Variants in HDAC1 observed in about 807,000 individuals in gnomAD.
The protein encoded by HDAC1 is histone deacetylase 1, also known as protein deacetylase HDAC1.
A neutral mutation model predicts 65.5 loss-of-function variants in HDAC1; 18 were observed. The observed-to-expected ratio is 0.27, with a 90% CI of 0.19 to 0.41. The LOEUF (loss-of-function observed/expected upper bound fraction) is 0.41, where lower values mean the gene tolerates loss of function less well. Among genes scored for constraint, HDAC1 ranks in the 10% least tolerant of loss-of-function variants. The pLI is 1.00. For missense variants in HDAC1, 373 were observed against 625.2 expected, an observed-to-expected ratio of 0.60 and a Z score of 4.30; for synonymous variants, 211 against 227.9, an observed-to-expected ratio of 0.93 and a Z score of 0.67.
intron 2 of HDAC1, among the ~76,000 whole-genome samples, chr1:32,304,097 GAAAATA>G (rs2148058979): frequency 6.6e-6 from 1 of 152,278 alleles, no homozygotes; most frequent in South Asian, 2.1e-4. Context: ...GTCCAAATGA[GAAAATA>G]AAGAGGGGCT....
rs945713291 is a variant in HDAC1 at position 32,298,864 on chromosome 1, G to A, written c.50-3757G>A. On this transcript the variant is annotated intron_variant, in intron 1 of 13. Transcript: ENST00000373548. The stretch of plus-strand genomic sequence containing the variant: ...AATACAAAACTTAGCCAGGCGTGGT[G>A]GCACATGTCTGTAATCCCAGCTACT... 5.3e-5 allele frequency among the ~76,000 whole-genome samples: 8 copies of A among 152,076 alleles called. No individual in the cohort carries two copies. In the East Asian group the frequency reaches 1.2e-3, roughly 22 times the overall value.
At chr1:32,315,651 C>T (rs940946468) in intron 2 of HDAC1, among the ~76,000 whole-genome samples, 4 of 150,714 alleles carry the variant, frequency 2.7e-5, no homozygotes, top group African/African-American at 9.7e-5. Context: ...CTGCACTCGG[C>T]CAGTTTTATA....
intron 1 of HDAC1, among the ~76,000 whole-genome samples, chr1:32,295,693 A>G (rs1640759644): frequency 6.6e-6 from 1 of 152,160 alleles, no homozygotes; most frequent in Non-Finnish European, 1.5e-5. Context: ...GGCATTGGGG[A>G]ATATGTTTCC....
At chr1:32,300,741 G>A (rs1285949121) in intron 1 of HDAC1, among the ~76,000 whole-genome samples, 1 of 152,206 alleles carries the variant, frequency 6.6e-6, no homozygotes, top group African/African-American at 2.4e-5. Context: ...AGAGGATACT[G>A]TGGTGTGAAG....
At chr1:32,323,517 C>T (rs1191976570) in intron 3 of HDAC1, among the ~76,000 whole-genome samples, 1 of 152,092 alleles carries the variant, frequency 6.6e-6, no homozygotes, top group African/African-American at 2.4e-5. Context: ...TGTGCCTCAG[C>T]CTCCCAAGTA....
At position 32,331,937 on chromosome 1, in the gene HDAC1, G is replaced by T; in HGVS notation, c.1219+131G>T. 2 of 1,403,930 alleles carry T rather than the reference G, an allele frequency of 1.4e-6. No homozygotes were observed. The highest frequency in any genetic ancestry group is 1.9e-6 in the Non-Finnish European group (2 of 1,038,294). 87.0% of individuals were successfully genotyped at this position (1,403,930 alleles called of 1,614,324 possible). A position where few individuals can be genotyped will look rare whatever the true frequency, so the allele number is the denominator to read the frequency against. On this transcript the variant is annotated intron_variant, in intron 11 of 13. Transcript: ENST00000373548. This position sits in a 1 kb window ranked among gnomAD's most constrained non-coding sequence, Gnocchi z 4.2. ...AATCTGTTTTCGAGTTCCAGTGCCT[G>T]TAGGAACAGGTTAGGGAGCCCGAGT...
chr1:32,302,863 C>T (rs191124028), intron 2 of HDAC1, 130 bp downstream of exon 2: 2 of 634,750 alleles, frequency 3.2e-6, no homozygotes, highest in Admixed American at 2.3e-5. Flanking sequence ...TGTTACAAGG[C>T]AGGTACTGTA....
In HDAC1 at chr1:32,333,035, G is replaced by A; in HGVS notation, c.1440G>A (p.Lys480=). The A allele has an allele frequency of 6.2e-7, 1 of 1,613,874 alleles. No homozygotes were observed. The highest frequency in any genetic ancestry group is 8.5e-7 in the Non-Finnish European group (1 of 1,179,862). The stretch of plus-strand genomic sequence containing the variant: ...TCCACAGGGTCAAGGAGGAGGTCAA[G>A]TTGGCCTGAATGGACCTCTCCAGCT... ...PEAKGVKEEV[K]LA Residue 480 remains lysine (K), a synonymous_variant, in exon 14 of 14, where the codon AAG becomes AAA. Coordinates refer to ENST00000373548, the MANE Select transcript of HDAC1 (RefSeq NM_004964.3).
chr1:32,304,201 C>T (rs1280888698), intron 2 of HDAC1, among the ~76,000 whole-genome samples: 1 of 152,114 alleles, frequency 6.6e-6, no homozygotes, highest in African/African-American at 2.4e-5. Flanking sequence ...GTATTTTTGT[C>T]ACCATTCCAG....
Position 32,331,746 on chromosome 1 carries a change from G to A in HDAC1, c.1159G>A (p.Asp387Asn), listed in dbSNP as rs1358971769. Residue 387 changes from aspartate (D) to asparagine (N), a missense_variant, in exon 11 of 14, where the codon GAC (aspartate) becomes AAC (asparagine). By Grantham distance (23) the Asp-to-Asn change is conservative (BLOSUM62 1). This residue lies in a region of HDAC1 where 126 missense variants were observed against 126.2 expected (regional missense o/e 1.00). Transcript: ENST00000373548. This position sits in a 1 kb window ranked among gnomAD's most constrained non-coding sequence, Gnocchi z 4.2. ...GGTCCAAATGCAGGCGATTCCTGAG[G>A]ACGCCATCCCTGAGGAGAGTGGCGA... ...PGVQMQAIPE[D>N]AIPEESGDED... The A allele has an allele frequency of 1.2e-6, 2 of 1,614,126 alleles. No individual in the cohort carries two copies. Among genetic ancestry groups the A allele is most frequent in the Non-Finnish European group, 1.7e-6 (2 of 1,179,992 alleles).
In HDAC1 at chr1:32,331,430, C is replaced by T. The variant is rs1557613346; in HGVS notation, c.980-44C>T. ...TGCTTACGTGCAAATGGTTAGGGTG[C>T]GGTGGCCAGGTCTCTTGACGGTCTT... is the stretch of plus-strand genomic sequence containing the variant. On this transcript the variant is annotated intron_variant, in intron 9 of 13. Transcript: ENST00000373548. This position sits in a 1 kb window ranked among gnomAD's most constrained non-coding sequence, Gnocchi z 4.2. 19 of 1,100,540 alleles carry T rather than the reference C, an allele frequency of 1.7e-5. No homozygotes were observed. The highest frequency in any genetic ancestry group is 7.5e-5 in the South Asian group (6 of 80,404). 68.2% of individuals were successfully genotyped at this position (1,100,540 alleles called of 1,614,324 possible).
chr1:32,316,537 C>G, intron 2 of HDAC1, 128 bp from the exon 3 acceptor site: 1 of 652,712 alleles, frequency 1.5e-6, no homozygotes, highest in Non-Finnish European at 2.8e-6. Flanking sequence ...TGAATCTAAC[C>G]AGTTATTTCT....
chr1:32,293,205 A>G (rs1640722105), intron 1 of HDAC1, among the ~76,000 whole-genome samples: 1 of 151,636 alleles, frequency 6.6e-6, no homozygotes, highest in Non-Finnish European at 1.5e-5. Context: ...CTGTAATCCC[A>G]GCTACTCTGG....
intron 1 of HDAC1, among the ~76,000 whole-genome samples, chr1:32,295,407 A>G (rs1640756393): frequency 6.6e-6 from 1 of 152,110 alleles, no homozygotes; most frequent in South Asian, 2.1e-4. Flanking sequence ...TGTCAAAAAA[A>G]AAAAAAGAAC....
intron 3 of HDAC1, among the ~76,000 whole-genome samples, chr1:32,324,160 A>C (rs937638164): frequency 5.9e-5 from 9 of 152,136 alleles, no homozygotes; most frequent in African/African-American, 2.2e-4. Flanking sequence ...TGTAGTCCAA[A>C]GTACTTGGGA....
In HDAC1 at chr1:32,322,332, AG is replaced by A. The variant is rs1280335807; in HGVS notation, c.281-2143del. 2.0e-4 allele frequency among the ~76,000 whole-genome samples: 30 copies of A among 150,472 alleles called. 1 individual carries two copies. The highest frequency in any genetic ancestry group is 2.5e-4 in the Non-Finnish European group (17 of 67,818). On this transcript the variant is annotated intron_variant, in intron 3 of 13. Coordinates refer to ENST00000373548, the MANE Select transcript of HDAC1 (RefSeq NM_004964.3). ...CGCCCTGTCACCCAGGCTGGAATGC[AG>A]GGGTGCAATCTTGGCTCACTGCAAC... is the stretch of plus-strand genomic sequence containing the variant.
chr1:32,324,158 A>C (rs1444445260), intron 3 of HDAC1, among the ~76,000 whole-genome samples: 2 of 152,024 alleles, frequency 1.3e-5, no homozygotes, highest in East Asian at 3.9e-4. Context: ...CCTGTAGTCC[A>C]AAGTACTTGG....
At chr1:32,298,510 C>T (rs543012110) in intron 1 of HDAC1, among the ~76,000 whole-genome samples, 211 of 152,246 alleles carry the variant, frequency 1.4e-3, no homozygotes, top group Non-Finnish European at 2.5e-3. Context: ...GCCACTAGGC[C>T]CAGCCGGGAA....
chr1:32,315,685 G>C (rs1466736794), intron 2 of HDAC1, among the ~76,000 whole-genome samples: 1 of 150,478 alleles, frequency 6.6e-6, no homozygotes, highest in Non-Finnish European at 1.5e-5. Context: ...TAATTTTGTA[G>C]GCCGGGCGCA....
Sources: allele counts gnomAD v4.1 joint callset (sites outside exome capture counted in the v4.1 genomes callset), GRCh38; gene constraint gnomAD v4.1.1; regional missense constraint gnomAD v4.1.1; non-coding constraint Gnocchi (gnomAD v3.1); transcripts MANE v1.5; gene names NCBI Gene and HGNC (gene_info 2026-07-23, HGNC 2026-07-21).